ABCC10: variants seen among roughly 807,000 people sequenced by gnomAD.
ABCC10 encodes ATP binding cassette subfamily C member 10, also known as ATP-binding cassette sub-family C member 10.
A neutral mutation model predicts 143.2 loss-of-function variants in ABCC10; 110 were observed. The ratio of observed to expected loss-of-function variants is 0.77; its 90% confidence interval spans 0.66 to 0.90. The LOEUF is 0.90. ABCC10 is among the 40% of genes least tolerant of loss of function. The probability of loss-of-function intolerance (pLI) is 0.00; values close to 1 mark genes in which losing one functional copy is unlikely to be tolerated. For synonymous variants in ABCC10, 805 were observed against 846.7 expected (o/e 0.95, Z 0.85); for missense variants, 1,700 against 1,900.5 (o/e 0.89, Z 1.96).
At position 43,445,958 on chromosome 6, in the gene ABCC10, C is replaced by T. The variant is rs1331501817; in HGVS notation, c.3374+16C>T. ...CCACCTACAGGTGTGTGAACCAGAGCCCAGGGGGATGAGGTGTTGGGGGGA... is the reference window on the plus strand; with the variant it reads ...CCACCTACAGGTGTGTGAACCAGAGTCCAGGGGGATGAGGTGTTGGGGGGA... On this transcript the variant is annotated intron_variant, in intron 15 of 21. Transcript: ENST00000372530. 4.4e-6 allele frequency: 7 copies of T among 1,601,352 alleles called. No homozygotes were observed. In the African/African-American group the frequency reaches 9.4e-5, roughly 21 times the overall value.
chr6:43,450,861 G>T (rs1388886978), downstream of ABCC10: 1 of 1,614,182 alleles, frequency 6.2e-7, no homozygotes, highest in Non-Finnish European at 8.5e-7. This position sits in a 1 kb window ranked among gnomAD's most constrained non-coding sequence, Gnocchi z 4.5. Flanking sequence ...GTGGGGGGCT[G>T]GCCCCGTGGC....
Position 43,432,468 on chromosome 6 carries a change from C to T in ABCC10, c.488C>T (p.Pro163Leu). Reference sequence around the variant, plus strand: ...TGCCAGCGAGGCACACTTCTGCCCCCACTTCTCCCAGGGCCCATGGCCCGC... The same window carrying T: ...TGCCAGCGAGGCACACTTCTGCCCCTACTTCTCCCAGGGCCCATGGCCCGC... ...WHCQRGTLLP[P>L]LLPGPMARLC... is the part of the protein sequence containing the mutation. Residue 163 changes from proline to leucine, a missense_variant, in exon 3 of 22, where the codon CCA becomes CTA. Pro to Leu is a moderately conservative substitution (Grantham distance 98). Transcript: ENST00000372530. 6.2e-7 allele frequency: 1 copy of T among 1,611,868 alleles called. No individual in the cohort carries two copies. The highest frequency in any genetic ancestry group is 8.5e-7 in the Non-Finnish European group (1 of 1,180,026).
At chr6:43,435,011 T>TATATA in intron 4 of ABCC10, 163 bp downstream of exon 4, 1 of 665,788 alleles carries the variant, frequency 1.5e-6, no homozygotes, top group Non-Finnish European at 2.5e-6. Context: ...GGGCCTTGGA[T>TATATA]ATATAACCCT....
chr6:43,447,776 G>A lies in ABCC10; in HGVS notation c.3798G>A (p.Val1266=). The change falls in exon 18 of 22, where the codon GTG becomes GTA. Residue 1266 remains valine, a synonymous_variant. Coordinates refer to ENST00000372530, the MANE Select transcript of ABCC10 (RefSeq NM_001198934.2). ...GGCTGCCGAATGCCCTGGATGGAGT[G>A]ACCTTCTGCGTGCAGCCTGGAGAGA... ...RPGLPNALDG[V]TFCVQPGEKL... The A allele has an allele frequency of 6.2e-7, 1 of 1,613,690 alleles. No homozygotes were observed.
downstream of ABCC10, chr6:43,451,898 T>C: frequency 6.2e-7 from 1 of 1,610,992 alleles, no homozygotes; most frequent in African/African-American, 1.3e-5. This position sits in a 1 kb window ranked among gnomAD's most constrained non-coding sequence, Gnocchi z 4.4. Context: ...ATCACCAGGT[T>C]CTGGTCTAAC....
At chr6:43,434,555 G>C in intron 3 of ABCC10, 66 bp from the exon 4 acceptor site, 1 of 1,461,342 alleles carries the variant, frequency 6.8e-7, no homozygotes, top group Non-Finnish European at 9.4e-7. Flanking sequence ...CCTGGGGAAG[G>C]CTTGGCAGGG....
intron 8 of ABCC10, among the ~76,000 whole-genome samples, chr6:43,439,030 G>C (rs908565470): frequency 1.3e-5 from 2 of 152,178 alleles, no homozygotes; most frequent in Non-Finnish European, 2.9e-5. Flanking sequence ...AAGGCCTCTG[G>C]AGCTAGGGAG....
intron 2 of ABCC10, among the ~76,000 whole-genome samples, chr6:43,429,627 G>A (rs753083074): frequency 2.6e-5 from 4 of 152,174 alleles, no homozygotes; most frequent in African/African-American, 7.2e-5. Context: ...TTAATAGGCC[G>A]GGTGCAGTGG....
At chr6:43,450,602 C>T (rs1350388148), downstream of ABCC10, 4 of 1,599,258 alleles carry the variant, frequency 2.5e-6, no homozygotes, top group Non-Finnish European at 2.6e-6. This position sits in a 1 kb window ranked among gnomAD's most constrained non-coding sequence, Gnocchi z 4.5. Context: ...GCCCTGCTGG[C>T]AGCATGCTAA....
At chr6:43,432,108 C>T (rs749324121) in intron 2 of ABCC10, 34 bp from the exon 3 acceptor site, 13 of 1,605,696 alleles carry the variant, frequency 8.1e-6, no homozygotes, top group Admixed American at 3.4e-5. Flanking sequence ...GAGTCAGCCA[C>T]GATGTGCCTC....
Position 43,431,379 on chromosome 6 carries a change from G to A in ABCC10, c.162-763G>A, listed in dbSNP as rs73424608. ...AACTTTGGATTTTCTTTTTTTTCCTGAGACGGAGTCTTCCCCTGTCACCCA... is the reference window on the plus strand; with the variant it reads ...AACTTTGGATTTTCTTTTTTTTCCTAAGACGGAGTCTTCCCCTGTCACCCA... On this transcript the variant is annotated intron_variant, in intron 2 of 21. Transcript: ENST00000372530. 1.6e-3 allele frequency among the ~76,000 whole-genome samples: 245 copies of A among 151,750 alleles called. 2 individuals carry two copies. The highest frequency in any genetic ancestry group is 5.6e-3 in the African/African-American group (232 of 41,412).
Position 43,432,534 on chromosome 6 carries a change from A to G in ABCC10, c.554A>G (p.Tyr185Cys), listed in dbSNP as rs747652614. Reference sequence around the variant, plus strand: ...CTGCAGCTGGCTGCACTCTTGGCCTATGCACTGGGATGGGCAGCTCCTGGG... The same window carrying G: ...CTGCAGCTGGCTGCACTCTTGGCCTGTGCACTGGGATGGGCAGCTCCTGGG... ...LILQLAALLAYALGWAAPGGP... is the reference protein window; with the variant it reads ...LILQLAALLACALGWAAPGGP... Residue 185 changes from tyrosine to cysteine, a missense_variant, in exon 3 of 22, where the codon TAT becomes TGT. Tyr to Cys is a radical substitution (Grantham distance 194, BLOSUM62 -2). Coordinates refer to ENST00000372530, the MANE Select transcript of ABCC10 (RefSeq NM_001198934.2). The G allele has an allele frequency of 5.0e-6, 8 of 1,612,774 alleles. No homozygotes were observed. Among genetic ancestry groups the G allele is most frequent in the African/African-American group, 4.0e-5 (3 of 75,042 alleles).
intron 8 of ABCC10, among the ~76,000 whole-genome samples, chr6:43,439,350 A>G (rs1782084426): frequency 6.6e-6 from 1 of 152,032 alleles, no homozygotes; most frequent in Non-Finnish European, 1.5e-5. Context: ...AACCTTGACC[A>G]TGGGGCATTC....
rs370839293 is a variant in ABCC10 at position 43,447,786 on chromosome 6, G to C, written c.3808G>C (p.Val1270Leu). The change falls in exon 18 of 22, where the codon GTG becomes CTG. Residue 1270 changes from valine to leucine, a missense_variant. By Grantham distance (32) the Val-to-Leu change is conservative. Transcript: ENST00000372530. The stretch of plus-strand genomic sequence containing the variant: ...TGCCCTGGATGGAGTGACCTTCTGC[G>C]TGCAGCCTGGAGAGAAGTTGGGCAT... The part of the protein sequence containing the change: ...PNALDGVTFC[V>L]QPGEKLGIVG... 1.2e-6 allele frequency: 2 copies of C among 1,613,632 alleles called. No homozygotes were observed. The highest frequency in any genetic ancestry group is 1.7e-6 in the Non-Finnish European group (2 of 1,180,004).
rs41271273 is a variant in ABCC10 at position 43,432,348 on chromosome 6, C to T, written c.368C>T (p.Ala123Val). 4,067 of 1,613,826 alleles carry T rather than the reference C, an allele frequency of 2.5e-3. 29 individuals carry two copies. Among genetic ancestry groups the T allele is most frequent in the Non-Finnish European group, 2.0e-3 (2,390 of 1,180,036 alleles). ...ISHSLALWVL[A>V]HSPHGHSRGP... Reference sequence around the variant, plus strand: ...CACAGCCTGGCCCTGTGGGTGTTGGCACATTCCCCTCATGGCCACTCCCGG... The same window carrying T: ...CACAGCCTGGCCCTGTGGGTGTTGGTACATTCCCCTCATGGCCACTCCCGG... Residue 123 changes from alanine (A) to valine (V), a missense_variant, in exon 3 of 22, where the codon GCA becomes GTA. Coordinates refer to ENST00000372530, the MANE Select transcript of ABCC10 (RefSeq NM_001198934.2).
Position 43,448,968 on chromosome 6 carries a change from C to T in ABCC10, c.4047C>T (p.Asp1349=). The T allele has an allele frequency of 6.2e-7, 1 of 1,614,208 alleles. No individual in the cohort carries two copies. Among genetic ancestry groups the T allele is most frequent in the African/African-American group, 1.3e-5 (1 of 75,066 alleles). The part of the protein sequence containing the change: ...ENLDPQGLHK[D]RALWQALKQC... ...TGGACCCCCAGGGCCTACATAAGGA[C>T]AGGGCCTTGTGGCAGGCCCTGAAGC... The change falls in exon 19 of 22, where the codon GAC becomes GAT. Residue 1349 remains aspartate, a synonymous_variant. Transcript: ENST00000372530.
In ABCC10 at chr6:43,429,361, TCTTTTCTTTC is replaced by T. The variant is rs1246190051; in HGVS notation, c.161+1223_161+1232del. 3.9e-3 allele frequency among the ~76,000 whole-genome samples: 546 copies of T among 139,070 alleles called. 1 individual carries two copies. Among genetic ancestry groups the T allele is most frequent in the African/African-American group, 0.013 (486 of 36,414 alleles). 91.2% of individuals were successfully genotyped at this position (139,070 alleles called of 152,430 possible). On this transcript the variant is annotated intron_variant, in intron 2 of 21. Coordinates refer to ENST00000372530, the MANE Select transcript of ABCC10 (RefSeq NM_001198934.2). The stretch of plus-strand genomic sequence containing the variant: ...CTTTTCCTTCTTTCTTTTCTTTCTT[TCTTTTCTTTC>T]TTGTGTGTGTGTGTGTGTGTGTGTG...
chr6:43,444,953 C>CT lies in ABCC10; in HGVS notation c.2840+16dup. 1 of 1,604,768 alleles carries CT rather than the reference C, an allele frequency of 6.2e-7. No homozygotes were observed. Among genetic ancestry groups the CT allele is most frequent in the Non-Finnish European group, 8.5e-7 (1 of 1,175,250 alleles). On this transcript the variant is annotated intron_variant, in intron 13 of 21. Coordinates refer to ENST00000372530, the MANE Select transcript of ABCC10 (RefSeq NM_001198934.2). ...GGAAACCTCTAGTGAGTGGCTGGGG[C>CT]TGGGGGTAGGCCTGGTGCTCTCAGA...
At chr6:43,440,615 G>A (rs1023192885) in intron 8 of ABCC10, among the ~76,000 whole-genome samples, 3 of 151,714 alleles carry the variant, frequency 2.0e-5, no homozygotes, top group Non-Finnish European at 1.5e-5. Flanking sequence ...TGTAATCCCA[G>A]CACTTTGGAA....
Sources: gnomAD v4.1 joint callset for allele counts (sites outside exome capture counted in the v4.1 genomes callset) on GRCh38, gnomAD v4.1.1 for gene constraint, Gnocchi (gnomAD v3.1) non-coding constraint, MANE v1.5 for transcripts, NCBI Gene and HGNC (gene_info 2026-07-23, HGNC 2026-07-21) for gene names.